The following TEAD1 variants were observed in gnomAD, a reference collection of about 807,000 sequenced individuals.
TEAD1 encodes the protein TEA domain transcription factor 1, also known as transcriptional enhancer factor TEF-1.
A neutral mutation model predicts 54.9 loss-of-function variants in TEAD1; 9 were observed. That is an observed-to-expected ratio of 0.16 (90% confidence interval 0.10 to 0.29). The LOEUF is 0.29. Ranked by LOEUF, TEAD1 falls within the 10% of genes least tolerant of loss-of-function variation. TEAD1 has a pLI of 1.00. For synonymous variants in TEAD1, 200 were observed against 187.8 expected, an observed-to-expected ratio of 1.07 and a Z score of -0.53; for missense variants, 387 against 535.9, an observed-to-expected ratio of 0.72 and a Z score of 2.74.
chr11:12,815,691 A>C (rs984563815), intron 3 of TEAD1, among the ~76,000 whole-genome samples: 1 of 152,352 alleles, frequency 6.6e-6, no homozygotes, highest in African/African-American at 2.4e-5. Flanking sequence ...GAAATTCAAC[A>C]GTTTTAAGGG....
intron 2 of TEAD1, among the ~76,000 whole-genome samples, chr11:12,700,771 A>G (rs1943683819): frequency 6.6e-6 from 1 of 152,190 alleles, no homozygotes. Flanking sequence ...GTGTAAAATG[A>G]AACTCCCCTA....
chr11:12,915,535 A>C (rs1446413251), intron 10 of TEAD1, among the ~76,000 whole-genome samples: 1 of 152,228 alleles, frequency 6.6e-6, no homozygotes, highest in African/African-American at 2.4e-5. Flanking sequence ...AAAGGCAAAA[A>C]CATGAAATTT....
chr11:12,680,844 T>C (rs1943206432), intron 2 of TEAD1, among the ~76,000 whole-genome samples: 1 of 152,222 alleles, frequency 6.6e-6, no homozygotes, highest in African/African-American at 2.4e-5. Context: ...CCTATTGTTA[T>C]GGCAGCAACA....
intron 3 of TEAD1, among the ~76,000 whole-genome samples, chr11:12,797,614 G>A (rs1163868468): frequency 1.3e-5 from 2 of 151,322 alleles, no homozygotes; most frequent in Non-Finnish European, 2.9e-5. Flanking sequence ...ACTAAGTAGT[G>A]GTTATCTTTA....
At chr11:12,867,054 A>G (rs1429973020) in intron 5 of TEAD1, among the ~76,000 whole-genome samples, 1 of 152,124 alleles carries the variant, frequency 6.6e-6, no homozygotes, top group Admixed American at 6.5e-5. Context: ...CTATGAAGTG[A>G]CTTACAGTAT....
intron 9 of TEAD1, among the ~76,000 whole-genome samples, chr11:12,888,797 A>G (rs1336628219): frequency 6.6e-6 from 1 of 152,254 alleles, no homozygotes; most frequent in Non-Finnish European, 1.5e-5. Flanking sequence ...GCCAGCTGAC[A>G]TGGGAAGTAG....
At chr11:12,860,301 C>T (rs2134064852) in intron 3 of TEAD1, among the ~76,000 whole-genome samples, 1 of 152,298 alleles carries the variant, frequency 6.6e-6, no homozygotes, top group Middle Eastern at 3.4e-3. Flanking sequence ...TGGGCTACTT[C>T]CTCAATTTTA....
At chr11:12,807,324 C>A (rs1590170513) in intron 3 of TEAD1, among the ~76,000 whole-genome samples, 1 of 152,160 alleles carries the variant, frequency 6.6e-6, no homozygotes, top group Non-Finnish European at 1.5e-5. Flanking sequence ...GAAACGAATT[C>A]TCTGTAGGAT....
chr11:12,878,448 A>G (rs1328842194), intron 5 of TEAD1, among the ~76,000 whole-genome samples: 2 of 151,822 alleles, frequency 1.3e-5, no homozygotes, highest in African/African-American at 4.8e-5. Context: ...TGATGTCACC[A>G]TTTTGTTTTT....
chr11:12,901,252 T>C (rs1440284), intron 9 of TEAD1, among the ~76,000 whole-genome samples: 51,572 of 152,066 alleles, frequency 0.34, 11,353 homozygotes, highest in East Asian at 0.74. Flanking sequence ...AATGACTTAA[T>C]GTGGTTTAGA....
chr11:12,867,440 A>G (rs1947640429), intron 5 of TEAD1, among the ~76,000 whole-genome samples: 1 of 152,208 alleles, frequency 6.6e-6, no homozygotes, highest in African/African-American at 2.4e-5. Flanking sequence ...TCCTGGAGAC[A>G]GAGCTGCTTG....
chr11:12,793,609 G>C (rs1945852754), intron 3 of TEAD1, among the ~76,000 whole-genome samples: 1 of 152,038 alleles, frequency 6.6e-6, no homozygotes, highest in South Asian at 2.1e-4. Context: ...TTTCACTTTT[G>C]TTGCAGATAC....
At chr11:12,748,312 T>A (rs1369058799) in intron 2 of TEAD1, among the ~76,000 whole-genome samples, 1 of 152,084 alleles carries the variant, frequency 6.6e-6, no homozygotes, top group Admixed American at 6.5e-5. Context: ...TCAGCAAAAG[T>A]TTTTTGAGTT....
chr11:12,751,799 T>C (rs973727656), intron 2 of TEAD1, among the ~76,000 whole-genome samples: 10 of 152,038 alleles, frequency 6.6e-5, no homozygotes, highest in African/African-American at 1.9e-4. Flanking sequence ...AAGAAGAGGA[T>C]AGAGGTGAAG....
intron 2 of TEAD1, among the ~76,000 whole-genome samples, chr11:12,704,788 A>G (rs1317064970): frequency 6.6e-6 from 1 of 152,230 alleles, no homozygotes; most frequent in East Asian, 1.9e-4. Flanking sequence ...GATAATAGCT[A>G]ACATTTACCA....
chr11:12,842,068 AAAC>A (rs1947052439), intron 3 of TEAD1, among the ~76,000 whole-genome samples: 1 of 145,166 alleles, frequency 6.9e-6, no homozygotes, highest in African/African-American at 2.9e-5. Flanking sequence ...CAGAGGAAAA[AAAC>A]AAAACAAAAC....
At chr11:12,932,597 G>T (rs1388094181) in intron 12 of TEAD1, among the ~76,000 whole-genome samples, 2 of 152,198 alleles carry the variant, frequency 1.3e-5, no homozygotes, top group Non-Finnish European at 2.9e-5. Flanking sequence ...CTGCATAGCA[G>T]TGTGAAGGGC....
intron 2 of TEAD1, among the ~76,000 whole-genome samples, chr11:12,696,877 G>A (rs1198691419): frequency 1.3e-5 from 2 of 152,046 alleles, no homozygotes; most frequent in African/African-American, 4.8e-5. Flanking sequence ...TTGGGTTTGA[G>A]GGAACTGACT....
At chr11:12,751,423 G>T (rs1489700463) in intron 2 of TEAD1, among the ~76,000 whole-genome samples, 2 of 152,240 alleles carry the variant, frequency 1.3e-5, no homozygotes, top group Non-Finnish European at 2.9e-5. Context: ...TGTACTGGCT[G>T]GCAAAGGTGC....
Sources: gnomAD v4.1 joint callset for allele counts (sites outside exome capture counted in the v4.1 genomes callset) on GRCh38, gnomAD v4.1.1 for gene constraint, MANE v1.5 for transcripts, NCBI Gene and HGNC (gene_info 2026-07-23, HGNC 2026-07-21) for gene names.